THSD7A: variants seen among roughly 807,000 people sequenced by gnomAD.
THSD7A encodes thrombospondin type-1 domain-containing protein 7A.
A neutral mutation model predicts 231.3 loss-of-function variants in THSD7A; 96 were observed. The observed-to-expected ratio is 0.41, with a 90% confidence interval of 0.35 to 0.49. The LOEUF (loss-of-function observed/expected upper bound fraction) is 0.49, where lower values mean the gene tolerates loss of function less well. THSD7A is among the 20% of genes least tolerant of loss of function. The pLI is 0.05. For missense variants in THSD7A, 2,290 were observed against 2,070.2 expected, an observed-to-expected ratio of 1.11 and a Z score of -2.06; for synonymous variants, 940 against 743.3, an observed-to-expected ratio of 1.26 and a Z score of -4.30.
At chr7:11,700,812 A>G (rs1584233057) in intron 1 of THSD7A, among the ~76,000 whole-genome samples, 1 of 151,128 alleles carries the variant, frequency 6.6e-6, no homozygotes. Context: ...CCACAGCCCA[A>G]TAAAAAATAA....
intron 1 of THSD7A, among the ~76,000 whole-genome samples, chr7:11,793,977 G>GA (rs1247780220): frequency 1.3e-5 from 2 of 151,696 alleles, no homozygotes; most frequent in Admixed American, 6.6e-5. Context: ...GGAAACTAGG[G>GA]AAAAAATGAA....
chr7:11,558,349 T>TA (rs1789935486), intron 4 of THSD7A, among the ~76,000 whole-genome samples: 1 of 152,222 alleles, frequency 6.6e-6, no homozygotes, highest in Middle Eastern at 3.4e-3. Flanking sequence ...ATTTTAAAAA[T>TA]AAAGCCTTTT....
chr7:11,417,398 G>C, intron 17 of THSD7A, 52 bp downstream of exon 17: 1 of 1,456,288 alleles, frequency 6.9e-7, no homozygotes, highest in South Asian at 1.4e-5. Context: ...TAAAGCTTCA[G>C]TGGCAAATAA....
At position 11,771,596 on chromosome 7, in the gene THSD7A, GT is replaced by G. The variant is rs924084067; in HGVS notation, c.190+60160del. Among the ~76,000 whole-genome samples, 283 of 147,146 alleles carry G rather than the reference GT, an allele frequency of 1.9e-3. 2 individuals are homozygous for G. Among genetic ancestry groups the G allele is most frequent in the Middle Eastern group, 0.011 (3 of 278 alleles). On this transcript the variant is annotated intron_variant, in intron 1 of 27. Transcript: ENST00000423059. ...TGCAATTTCAATATATACATACCAG[GT>G]TTTTTTTTTTCCTGGAGTAAATAGT... is the stretch of plus-strand genomic sequence containing the variant.
intron 1 of THSD7A, among the ~76,000 whole-genome samples, chr7:11,798,149 G>A (rs2128180411): frequency 6.6e-6 from 1 of 152,156 alleles, no homozygotes; most frequent in African/African-American, 2.4e-5. Context: ...ATGATTATTA[G>A]CACTAATTTT....
At chr7:11,378,742 A>G in intron 26 of THSD7A, 1 of 293,960 alleles carries the variant, frequency 3.4e-6, no homozygotes, top group South Asian at 4.1e-5. Flanking sequence ...GTTCTGAATG[A>G]CAACACATTT....
Position 11,620,214 on chromosome 7 carries a change from T to G in THSD7A, c.1022+15916A>C, listed in dbSNP as rs559888899. On this transcript the variant is annotated intron_variant, in intron 2 of 27. Transcript: ENST00000423059. ...TCTTTCATTGAAGTAAATTTGTCTC[T>G]TAATATTTTTAAAGCATTTTTTGTA... 3.9e-5 allele frequency among the ~76,000 whole-genome samples: 6 copies of G among 152,354 alleles called. No homozygotes were observed. The South Asian group carries it at 1.2e-3, about 32-fold the overall frequency.
At chr7:11,652,463 T>C (rs1782541050) in intron 1 of THSD7A, among the ~76,000 whole-genome samples, 1 of 151,996 alleles carries the variant, frequency 6.6e-6, no homozygotes, top group African/African-American at 2.4e-5. Context: ...CCATGTATAT[T>C]GTAATTTCCA....
chr7:11,596,649 G>A (rs562019801), intron 2 of THSD7A, among the ~76,000 whole-genome samples: 6 of 152,276 alleles, frequency 3.9e-5, no homozygotes, highest in Admixed American at 3.3e-4. Context: ...CCACCATCAA[G>A]GACCTGAAAG....
intron 6 of THSD7A, among the ~76,000 whole-genome samples, chr7:11,525,843 C>G (rs1788450813): frequency 6.6e-6 from 1 of 152,112 alleles, no homozygotes; most frequent in South Asian, 2.1e-4. Context: ...AACAAAGACT[C>G]TAAAACATAT....
At chr7:11,773,227 T>G (rs983669683) in intron 1 of THSD7A, among the ~76,000 whole-genome samples, 1 of 152,148 alleles carries the variant, frequency 6.6e-6, no homozygotes, top group Admixed American at 6.5e-5. Flanking sequence ...AAATGTAAAG[T>G]CAATACCTAA....
chr7:11,542,641 G>A (rs1789201345), intron 5 of THSD7A, among the ~76,000 whole-genome samples: 1 of 152,240 alleles, frequency 6.6e-6, no homozygotes, highest in South Asian at 2.1e-4. Flanking sequence ...AGATATGTTA[G>A]TTAACTTATC....
intron 1 of THSD7A, among the ~76,000 whole-genome samples, chr7:11,679,899 G>A (rs766141835): frequency 4.6e-5 from 7 of 151,952 alleles, no homozygotes; most frequent in Non-Finnish European, 8.8e-5. Flanking sequence ...ACAATCAGAA[G>A]CAAAAAGAAG....
chr7:11,494,598 T>TA (rs1317017369), intron 6 of THSD7A, among the ~76,000 whole-genome samples: 1 of 152,080 alleles, frequency 6.6e-6, no homozygotes, highest in Non-Finnish European at 1.5e-5. Flanking sequence ...TCAAGCATGA[T>TA]AATATGGCAA....
At chr7:11,781,399 T>C (rs1783627716) in intron 1 of THSD7A, among the ~76,000 whole-genome samples, 1 of 151,410 alleles carries the variant, frequency 6.6e-6, no homozygotes, top group Admixed American at 6.6e-5. Flanking sequence ...AGGCTGCAAA[T>C]AGCACCACTG....
chr7:11,508,597 A>T (rs973749588), intron 6 of THSD7A, among the ~76,000 whole-genome samples: 1 of 152,236 alleles, frequency 6.6e-6, no homozygotes, highest in African/African-American at 2.4e-5. Context: ...TTTCTGGGTA[A>T]TTATCCCAAA....
In THSD7A at chr7:11,412,720, A is replaced by G. The variant is rs1374388952; in HGVS notation, c.3618T>C (p.Asn1206=). ...QPADEGRSCP[N]AVEKEPCNLN... ...GGTTACAGGGTTCTTTCTCAACAGC[A>G]TTAGGGCAAGATCTTCCTTCATCAG... Residue 1206 remains asparagine (N), a synonymous_variant, in exon 18 of 28, where the codon AAT becomes AAC. Coordinates refer to ENST00000423059, the MANE Select transcript of THSD7A (RefSeq NM_015204.3). 1.2e-5 allele frequency: 20 copies of G among 1,613,750 alleles called. No individual in the cohort carries two copies. In the Admixed American group the frequency reaches 3.2e-4, roughly 26 times the overall value.
chr7:11,756,952 T>C (rs1428553698), intron 1 of THSD7A, among the ~76,000 whole-genome samples: 1 of 152,056 alleles, frequency 6.6e-6, no homozygotes, highest in African/African-American at 2.4e-5. Flanking sequence ...AATTCTGGCA[T>C]CAAGTGAGTT....
At position 11,586,441 on chromosome 7, in the gene THSD7A, C is replaced by T. The variant is rs565418091; in HGVS notation, c.1453+4019G>A. 3.3e-5 allele frequency among the ~76,000 whole-genome samples: 5 copies of T among 152,184 alleles called. No individual in the cohort carries two copies. The East Asian group carries it at 5.8e-4, about 18-fold the overall frequency. ...CTATGGAGACTCTCTTAGGTATCAG[C>T]GACACATGGTTCCCTTATACACACT... On this transcript the variant is annotated intron_variant, in intron 4 of 27. Transcript: ENST00000423059.
Sources: allele counts gnomAD v4.1 joint callset (sites outside exome capture counted in the v4.1 genomes callset), GRCh38; gene constraint gnomAD v4.1.1; transcripts MANE v1.5; gene names NCBI Gene and HGNC (gene_info 2026-07-23, HGNC 2026-07-21).